The following CTNNA3 variants were observed in gnomAD, a reference collection of about 807,000 sequenced individuals.
The protein encoded by CTNNA3 is catenin alpha 3.
Under a neutral mutation model 95.7 loss-of-function variants are expected in CTNNA3, and 76 were observed. That is an observed-to-expected ratio of 0.79 (90% CI 0.66 to 0.96). The LOEUF (loss-of-function observed/expected upper bound fraction) is 0.96. Among genes scored for constraint, CTNNA3 ranks in the 40% least tolerant of loss-of-function variants. The pLI is 0.00. For missense variants in CTNNA3, 1,191 were observed against 1,089.8 expected (o/e 1.09, Z -1.31); for synonymous variants, 431 against 374.4 (o/e 1.15, Z -1.74).
intron 10 of CTNNA3, among the ~76,000 whole-genome samples, chr10:66,523,393 A>C (rs1564510469): frequency 6.6e-6 from 1 of 152,198 alleles, no homozygotes; most frequent in South Asian, 2.1e-4. Flanking sequence ...ACTATGAAGA[A>C]GCTTTATCCT....
chr10:66,796,868 T>C (rs1175842955), intron 7 of CTNNA3, among the ~76,000 whole-genome samples: 1 of 152,072 alleles, frequency 6.6e-6, no homozygotes, highest in Non-Finnish European at 1.5e-5. Flanking sequence ...AGCAAGATGA[T>C]CTAGTGATCA....
Position 67,372,771 on chromosome 10 carries a change from A to T in CTNNA3, c.579+149071T>A, listed in dbSNP as rs369300100. 3.3e-5 allele frequency among the ~76,000 whole-genome samples: 5 copies of T among 152,224 alleles called. No homozygotes were observed. The South Asian group carries it at 6.2e-4, about 19-fold the overall frequency. On this transcript the variant is annotated intron_variant, in intron 5 of 17. Transcript: ENST00000433211. The stretch of plus-strand genomic sequence containing the variant: ...AAGGGAAGCCCATCAGACTAACAGC[A>T]GATCTCTCGGCAGAAACTCTACAAG...
chr10:66,875,583 A>G (rs1248458206), intron 7 of CTNNA3, among the ~76,000 whole-genome samples: 2 of 152,138 alleles, frequency 1.3e-5, no homozygotes, highest in South Asian at 4.1e-4. Flanking sequence ...CTTAATTATT[A>G]TTGGACCATA....
intron 7 of CTNNA3, among the ~76,000 whole-genome samples, chr10:66,853,313 T>C (rs1267560270): frequency 6.6e-6 from 1 of 152,072 alleles, no homozygotes; most frequent in Non-Finnish European, 1.5e-5. Flanking sequence ...AAAGTTCTTA[T>C]CTATAATTTC....
intron 11 of CTNNA3, among the ~76,000 whole-genome samples, chr10:66,430,701 T>C (rs113381834): frequency 5.9e-5 from 9 of 152,210 alleles, no homozygotes; most frequent in Admixed American, 6.5e-5. Context: ...GCTAGCCATA[T>C]GTAGAAAGCT....
At chr10:67,223,305 G>C (rs550567499) in intron 5 of CTNNA3, among the ~76,000 whole-genome samples, 5 of 152,312 alleles carry the variant, frequency 3.3e-5, no homozygotes, top group Admixed American at 2.6e-4. Context: ...GGTGTTTGTA[G>C]TTGTTTTATT....
rs191069968 is a variant in CTNNA3 at position 67,205,394 on chromosome 10, A to G, written c.843+14213T>C. Among the ~76,000 whole-genome samples the G allele has an allele frequency of 4.2e-3, 645 of 152,308 alleles. 7 individuals are homozygous for G. The highest frequency in any genetic ancestry group is 0.015 in the African/African-American group (613 of 41,574). Reference sequence around the variant, plus strand: ...GGCAGATAAGGGGCCTCTTACTAGTAAATAATTTTATTTAGTTCTTATTTA... The same window carrying G: ...GGCAGATAAGGGGCCTCTTACTAGTGAATAATTTTATTTAGTTCTTATTTA... On this transcript the variant is annotated intron_variant, in intron 6 of 17. Coordinates refer to ENST00000433211, the MANE Select transcript of CTNNA3 (RefSeq NM_013266.4).
At chr10:67,739,920 A>G (rs1841325531) in intron 1 of CTNNA3, among the ~76,000 whole-genome samples, 1 of 152,180 alleles carries the variant, frequency 6.6e-6, no homozygotes. Context: ...CTACAAGGCT[A>G]CAGTAACCAA....
At chr10:66,523,747 C>T (rs1841151612) in intron 10 of CTNNA3, among the ~76,000 whole-genome samples, 1 of 152,076 alleles carries the variant, frequency 6.6e-6, no homozygotes, top group Non-Finnish European at 1.5e-5. Context: ...TTAACTGGGC[C>T]ATTCTAGTAG....
chr10:66,343,946 G>C (rs947467544), intron 12 of CTNNA3, among the ~76,000 whole-genome samples: 1 of 151,682 alleles, frequency 6.6e-6, no homozygotes, highest in Non-Finnish European at 1.5e-5. Flanking sequence ...TTGATTGTAG[G>C]CTGGGCATAG....
intron 9 of CTNNA3, among the ~76,000 whole-genome samples, chr10:66,731,675 T>C (rs1848964410): frequency 6.6e-6 from 1 of 152,230 alleles, no homozygotes. Context: ...TAAATTTCAC[T>C]TTCCCTAGCT....
chr10:66,458,886 T>C (rs192285635), intron 11 of CTNNA3, among the ~76,000 whole-genome samples: 27 of 152,286 alleles, frequency 1.8e-4, no homozygotes, highest in Non-Finnish European at 2.8e-4. Flanking sequence ...GCTGTGAACA[T>C]TGGTGTGCAA....
intron 5 of CTNNA3, among the ~76,000 whole-genome samples, chr10:67,325,966 C>T (rs1841522363): frequency 1.3e-5 from 2 of 152,098 alleles, no homozygotes; most frequent in African/African-American, 4.8e-5. Context: ...GACCCCTTTA[C>T]TATTATGTAA....
intron 7 of CTNNA3, among the ~76,000 whole-genome samples, chr10:67,100,137 A>G (rs1351007254): frequency 1.3e-5 from 2 of 151,754 alleles, no homozygotes; most frequent in Non-Finnish European, 3.0e-5. Context: ...GATTTTTAGA[A>G]ATGTTAAGGT....
rs569585267 is a variant in CTNNA3, at chr10:67,558,987, G to C, written c.293-19318C>G. On this transcript the variant is annotated intron_variant, in intron 3 of 17. Transcript: ENST00000433211. Reference sequence around the variant, plus strand: ...CTTAGGTAAACAAAGCAGCCGGGAAGCTCGAACTGGGTGGAGCCCACCACA... The same window carrying C: ...CTTAGGTAAACAAAGCAGCCGGGAACCTCGAACTGGGTGGAGCCCACCACA... 3.3e-5 allele frequency among the ~76,000 whole-genome samples: 5 copies of C among 152,346 alleles called. No homozygotes were observed. In the South Asian group the frequency reaches 1.0e-3, roughly 32 times the overall value.
chr10:66,707,716 A>C (rs1217398441), intron 9 of CTNNA3, among the ~76,000 whole-genome samples: 1 of 152,128 alleles, frequency 6.6e-6, no homozygotes, highest in African/African-American at 2.4e-5. Context: ...ATAATAAGTG[A>C]CAAGGTGGTA....
intron 11 of CTNNA3, among the ~76,000 whole-genome samples, chr10:66,474,763 TA>T (rs1485920258): frequency 6.6e-6 from 1 of 152,082 alleles, no homozygotes; most frequent in Non-Finnish European, 1.5e-5. Context: ...TATCTAATTG[TA>T]GTTTTGACTG....
At position 66,441,580 on chromosome 10, in the gene CTNNA3, GA is replaced by G. The variant is rs1224033377; in HGVS notation, c.1532-62229del. Among the ~76,000 whole-genome samples the G allele has an allele frequency of 2.0e-5, 3 of 152,280 alleles. No individual in the cohort carries two copies. The East Asian group carries it at 5.8e-4, about 29-fold the overall frequency. ...CTCTTCCAATTCCAGTTATTTGTGTGAATTACATAATGCAAACATTTGTAAA... is the reference window on the plus strand; with the variant it reads ...CTCTTCCAATTCCAGTTATTTGTGTGATTACATAATGCAAACATTTGTAAA... On this transcript the variant is annotated intron_variant, in intron 11 of 17. Coordinates refer to ENST00000433211, the MANE Select transcript of CTNNA3 (RefSeq NM_013266.4).
intron 5 of CTNNA3, among the ~76,000 whole-genome samples, chr10:67,309,695 A>G (rs1477430075): frequency 6.6e-6 from 1 of 152,180 alleles, no homozygotes; most frequent in Non-Finnish European, 1.5e-5. Flanking sequence ...AACAGGGTCA[A>G]CTTACTATTG....
Sources: allele counts gnomAD v4.1 joint callset (sites outside exome capture counted in the v4.1 genomes callset), GRCh38; gene constraint gnomAD v4.1.1; transcripts MANE v1.5; gene names NCBI Gene and HGNC (gene_info 2026-07-23, HGNC 2026-07-21).